CAMK2A: variants seen among roughly 807,000 people sequenced by gnomAD.
CAMK2A encodes calcium/calmodulin-dependent protein kinase type II subunit alpha.
Under a neutral mutation model 79.2 loss-of-function variants are expected in CAMK2A, and 7 were observed. That is an observed-to-expected ratio of 0.09 (90% CI 0.05 to 0.17). CAMK2A has a LOEUF of 0.17. CAMK2A is among the 10% of genes least tolerant of loss of function. CAMK2A has a pLI of 1.00. For synonymous variants in CAMK2A, 242 were observed against 251.7 expected (o/e 0.96, Z 0.36); for missense variants, 214 against 646.4 (o/e 0.33, Z 7.25).
chr5:150,259,218 A>ATAAGATAAAATAAAT (rs1300328868), intron 3 of CAMK2A, among the ~76,000 whole-genome samples: 15 of 151,712 alleles, frequency 9.9e-5, no homozygotes, highest in African/African-American at 3.1e-4. Context: ...ATAAAATAAA[A>ATAAGATAAAATAAAT]TAAAATAAAA....
chr5:150,241,595 C>A, intron 13 of CAMK2A, among the ~76,000 whole-genome samples: 1 of 139,376 alleles, frequency 7.2e-6, no homozygotes, highest in East Asian at 2.1e-4. Flanking sequence ...TTCTTGTCCT[C>A]TTCCTCTCCT....
chr5:150,288,837 T>G (rs1039668103), intron 1 of CAMK2A, among the ~76,000 whole-genome samples: 2 of 152,124 alleles, frequency 1.3e-5, no homozygotes, highest in Admixed American at 1.3e-4. Flanking sequence ...ACAGCAGTCA[T>G]CAGGGCAGAA....
chr5:150,277,781 C>A (rs1204183770), intron 1 of CAMK2A, among the ~76,000 whole-genome samples: 2 of 152,214 alleles, frequency 1.3e-5, no homozygotes, highest in Non-Finnish European at 2.9e-5. Flanking sequence ...CTCACAAGCG[C>A]AGAAGTCTTC....
chr5:150,280,521 C>T (rs2150308540), intron 1 of CAMK2A, among the ~76,000 whole-genome samples: 1 of 152,308 alleles, frequency 6.6e-6, no homozygotes, highest in East Asian at 1.9e-4. Flanking sequence ...AAATGTCCGA[C>T]ATCCGCCGCC....
At position 150,248,125 on chromosome 5, in the gene CAMK2A, G is replaced by A. The variant is rs1283725008; in HGVS notation, c.901-311C>T. 2.0e-5 allele frequency among the ~76,000 whole-genome samples: 3 copies of A among 152,114 alleles called. 1 individual carries two copies. Among genetic ancestry groups the A allele is most frequent in the Non-Finnish European group, 1.5e-5 (1 of 68,008 alleles). ...TGAAGAGCTTGAGGGACACCTACCA[G>A]CAGAGGCTCCTGAAGATGATGGACT... On this transcript the variant is annotated intron_variant, in intron 11 of 18. Coordinates refer to ENST00000671881, the MANE Select transcript of CAMK2A (RefSeq NM_015981.4).
chr5:150,271,800 A>C (rs1201969202), intron 2 of CAMK2A, among the ~76,000 whole-genome samples: 1 of 152,218 alleles, frequency 6.6e-6, no homozygotes, highest in Non-Finnish European at 1.5e-5. Flanking sequence ...CAAGAAGCGC[A>C]TCTCCTGGGC....
chr5:150,230,062 G>A (rs549086695), intron 16 of CAMK2A, among the ~76,000 whole-genome samples: 7 of 152,126 alleles, frequency 4.6e-5, no homozygotes, highest in African/African-American at 1.2e-4. Context: ...GCTGACGCCT[G>A]TAATCCCAGC....
chr5:150,286,378 G>A (rs1179027981), intron 1 of CAMK2A, among the ~76,000 whole-genome samples: 1 of 152,216 alleles, frequency 6.6e-6, no homozygotes, highest in Non-Finnish European at 1.5e-5. Context: ...CTGCCCACCA[G>A]GGCTGGAGAA....
chr5:150,256,976 C>T lies in CAMK2A; in HGVS notation c.273-145G>A. 3 of 625,818 alleles carry T rather than the reference C, an allele frequency of 4.8e-6. No homozygotes were observed. The highest frequency in any genetic ancestry group is 8.4e-6 in the Non-Finnish European group (3 of 356,366). The allele number at this position is 625,818 out of a possible 1,614,324, so 38.8% of individuals were successfully genotyped here. On this transcript the variant is annotated intron_variant, in intron 4 of 18. Transcript: ENST00000671881. The surrounding 1 kb of genome is among the most constrained non-coding windows in gnomAD (Gnocchi z 4.6). ...AGGGGCCCCAGGGTCACGGGGGTGT[C>T]CCCTGCTGCAATGCCCTTCCTGTCT... is the stretch of plus-strand genomic sequence containing the variant.
intron 15 of CAMK2A, among the ~76,000 whole-genome samples, chr5:150,237,784 T>C (rs907059878): frequency 2.0e-5 from 3 of 152,252 alleles, no homozygotes; most frequent in Non-Finnish European, 4.4e-5. Context: ...AGACCGGGGC[T>C]AGCACACAGC....
chr5:150,246,569 A>G (rs1374845941), intron 12 of CAMK2A, among the ~76,000 whole-genome samples: 1 of 152,226 alleles, frequency 6.6e-6, no homozygotes. Flanking sequence ...AAGAGATTCA[A>G]TCCAGCTCAC....
At chr5:150,259,559 T>A (rs985815162) in intron 3 of CAMK2A, among the ~76,000 whole-genome samples, 2 of 152,202 alleles carry the variant, frequency 1.3e-5, no homozygotes, top group African/African-American at 4.8e-5. Flanking sequence ...TTTTAAAACA[T>A]TCTTTAATGA....
intron 1 of CAMK2A, among the ~76,000 whole-genome samples, chr5:150,283,501 AGTAGCTGGAACTACAGGC>A (rs1229944753): frequency 6.6e-6 from 1 of 152,108 alleles, no homozygotes; most frequent in Non-Finnish European, 1.5e-5. Flanking sequence ...CAGCCTCCCG[AGTAGCTGGAACTACAGGC>A]GTGCACCACT....
intron 17 of CAMK2A, among the ~76,000 whole-genome samples, chr5:150,227,669 T>G (rs1754663359): frequency 6.6e-6 from 1 of 152,150 alleles, no homozygotes; most frequent in African/African-American, 2.4e-5. Flanking sequence ...AGGACAGACA[T>G]GCAGGACAGA....
chr5:150,243,270 CACAA>C (rs1303155136), intron 13 of CAMK2A, among the ~76,000 whole-genome samples: 2 of 152,312 alleles, frequency 1.3e-5, no homozygotes, highest in African/African-American at 4.8e-5. Context: ...TTACCTGGGC[CACAA>C]CCCACCGGTG....
intron 1 of CAMK2A, among the ~76,000 whole-genome samples, chr5:150,287,769 T>C (rs1214318244): frequency 1.3e-5 from 2 of 152,066 alleles, no homozygotes; most frequent in Admixed American, 6.6e-5. Context: ...CTGCACAAGT[T>C]TGTAGACAGC....
At chr5:150,265,182 G>T in intron 2 of CAMK2A, 167 bp from the exon 3 acceptor site, 2 of 626,586 alleles carry the variant, frequency 3.2e-6, no homozygotes, top group Non-Finnish European at 3.0e-6. Flanking sequence ...AGACCATGGG[G>T]TGCAGTGGAA....
intron 1 of CAMK2A, among the ~76,000 whole-genome samples, chr5:150,281,411 A>G (rs1757210622): frequency 6.6e-6 from 1 of 152,210 alleles, no homozygotes; most frequent in South Asian, 2.1e-4. Flanking sequence ...GGGGGAAGAG[A>G]AAGAGCTGGG....
chr5:150,258,435 G>A (rs1044358684), intron 3 of CAMK2A, among the ~76,000 whole-genome samples: 1 of 152,214 alleles, frequency 6.6e-6, no homozygotes, highest in Admixed American at 6.5e-5. Context: ...CGATTCATCC[G>A]CACAATGGAA....
Sources: allele counts gnomAD v4.1 joint callset (sites outside exome capture counted in the v4.1 genomes callset), GRCh38; gene constraint gnomAD v4.1.1; non-coding constraint Gnocchi (gnomAD v3.1); transcripts MANE v1.5; gene names NCBI Gene and HGNC (gene_info 2026-07-23, HGNC 2026-07-21).